Variants in MPPED2 observed in about 807,000 individuals in gnomAD.
MPPED2 encodes the protein metallophosphoesterase domain containing 2, also known as metallophosphoesterase MPPED2.
A neutral mutation model predicts 33.0 loss-of-function variants in MPPED2; 5 were observed. The observed-to-expected ratio is 0.15, with a 90% CI of 0.08 to 0.32. The LOEUF is 0.32. MPPED2 is among the 10% of genes least tolerant of loss of function. The pLI, the probability that MPPED2 is intolerant of heterozygous loss-of-function variation, is 1.00. For missense variants in MPPED2, 275 were observed against 372.1 expected, an observed-to-expected ratio of 0.74 and a Z score of 2.15; for synonymous variants, 136 against 141.9, an observed-to-expected ratio of 0.96 and a Z score of 0.29.
At chr11:30,555,344 T>A (rs1377787935) in intron 2 of MPPED2, among the ~76,000 whole-genome samples, 1 of 152,164 alleles carries the variant, frequency 6.6e-6, no homozygotes, top group Non-Finnish European at 1.5e-5. Context: ...GAGACCCAGA[T>A]ATTAATATCA....
At chr11:30,570,690 G>A (rs925171051) in intron 2 of MPPED2, among the ~76,000 whole-genome samples, 1 of 152,158 alleles carries the variant, frequency 6.6e-6, no homozygotes, top group Non-Finnish European at 1.5e-5. Flanking sequence ...GAAACAGGCT[G>A]AGCTTGCTTA....
chr11:30,446,086 A>T (rs573037801), intron 4 of MPPED2, among the ~76,000 whole-genome samples: 1 of 152,334 alleles, frequency 6.6e-6, no homozygotes, highest in East Asian at 1.9e-4. Flanking sequence ...TATTTCACTC[A>T]CTTGGTTGCA....
At chr11:30,504,681 C>T in intron 3 of MPPED2, 1 of 887,454 alleles carries the variant, frequency 1.1e-6, no homozygotes. Context: ...AGTCTGTCCC[C>T]CGTCAGGCTC....
chr11:30,536,283 G>C, intron 2 of MPPED2, 108 bp from the exon 3 acceptor site: 1 of 989,804 alleles, frequency 1.0e-6, no homozygotes, highest in Non-Finnish European at 1.4e-6. Context: ...CAGACAAACT[G>C]ACGCAAAGGC....
intron 4 of MPPED2, among the ~76,000 whole-genome samples, chr11:30,485,153 A>C (rs1951662957): frequency 6.6e-6 from 1 of 152,238 alleles, no homozygotes; most frequent in Non-Finnish European, 1.5e-5. Context: ...AGGCTTTGGA[A>C]GCAAACCGAT....
intron 4 of MPPED2, among the ~76,000 whole-genome samples, chr11:30,443,598 G>A (rs1284223124): frequency 6.6e-6 from 1 of 152,152 alleles, no homozygotes; most frequent in Non-Finnish European, 1.5e-5. Context: ...ATGGTAATTG[G>A]AAAGTATCCA....
At chr11:30,528,681 A>G (rs151162516) in intron 3 of MPPED2, among the ~76,000 whole-genome samples, 134 of 152,242 alleles carry the variant, frequency 8.8e-4, no homozygotes, top group African/African-American at 3.0e-3. Flanking sequence ...TTGGTCTCGA[A>G]CTCCTGGGCT....
chr11:30,413,984 G>A (rs936113163), intron 6 of MPPED2, among the ~76,000 whole-genome samples: 1 of 152,160 alleles, frequency 6.6e-6, no homozygotes, highest in East Asian at 1.9e-4. Flanking sequence ...GCTGCCAGGG[G>A]GAGTGCAGGG....
At chr11:30,584,583 T>A (rs1391149558) in intron 1 of MPPED2, 1 of 152,470 alleles carries the variant, frequency 6.6e-6, no homozygotes, top group Admixed American at 6.5e-5. Context: ...TTTCTCTCCC[T>A]CTTCCCTAGC....
chr11:30,417,547 T>A lies in MPPED2; in HGVS notation c.623A>T (p.Asp208Val), dbSNP rs1422171569. 1 of 1,612,498 alleles carries A rather than the reference T, an allele frequency of 6.2e-7. No individual in the cohort carries two copies. The highest frequency in any genetic ancestry group is 2.2e-5 in the East Asian group (1 of 44,840). ...DKWNLIPEGIDILMTHGPPLG... is the reference protein window; with the variant it reads ...DKWNLIPEGIVILMTHGPPLG... The stretch of plus-strand genomic sequence containing the variant: ...AGGAGGTCCATGTGTCATGAGTATG[T>A]CAATGCCCTCAGGGATGAGGTTCCA... The change falls in exon 5 of 7, where the codon GAC becomes GTC. Residue 208 changes from aspartate to valine, a missense_variant. Transcript: ENST00000358117.
At chr11:30,404,422 T>C (rs1198943468) in intron 6 of MPPED2, among the ~76,000 whole-genome samples, 1 of 152,052 alleles carries the variant, frequency 6.6e-6, no homozygotes, top group Non-Finnish European at 1.5e-5. Context: ...TTTCATAGAG[T>C]AAATTAAAAA....
At position 30,390,267 on chromosome 11, in the gene MPPED2, G is replaced by A. The variant is rs138392305; in HGVS notation, c.767-1311C>T. Among the ~76,000 whole-genome samples, 1,263 of 152,262 alleles carry A rather than the reference G, an allele frequency of 8.3e-3. 10 individuals are homozygous for A. The highest frequency in any genetic ancestry group is 0.029 in the African/African-American group (1,201 of 41,546). On this transcript the variant is annotated intron_variant, in intron 6 of 6. Coordinates refer to the MPPED2 transcript ENST00000448418. ...TTGACTCCCCTCTAACAGTTTCTTT[G>A]TCTGATTTTGGGGTCTTTGCCAGAA...
At chr11:30,513,775 G>T (rs1420271400) in intron 3 of MPPED2, among the ~76,000 whole-genome samples, 2 of 152,002 alleles carry the variant, frequency 1.3e-5, no homozygotes, top group Non-Finnish European at 2.9e-5. Context: ...ACAAAAGAAT[G>T]AAAGAAAAGA....
chr11:30,571,521 T>A (rs1049583228), intron 2 of MPPED2, among the ~76,000 whole-genome samples: 49 of 152,174 alleles, frequency 3.2e-4, no homozygotes, highest in African/African-American at 1.2e-3. Context: ...AAGATGGTGG[T>A]CTGCAAAATT....
intron 3 of MPPED2, chr11:30,504,927 G>A (rs190808772): frequency 4.4e-5 from 26 of 589,346 alleles, no homozygotes; most frequent in Non-Finnish European, 6.3e-5. Context: ...GTGAAAGCCC[G>A]GTGGTCCACT....
chr11:30,397,095 A>G (rs1004796615), intron 6 of MPPED2, among the ~76,000 whole-genome samples: 3 of 152,206 alleles, frequency 2.0e-5, no homozygotes, highest in African/African-American at 7.2e-5. Flanking sequence ...ATTAAAAACC[A>G]ACAATATTGT....
intron 4 of MPPED2, among the ~76,000 whole-genome samples, chr11:30,448,790 C>T (rs1271167122): frequency 6.6e-6 from 1 of 151,758 alleles, no homozygotes; most frequent in Non-Finnish European, 1.5e-5. Flanking sequence ...TTCTCCTGCC[C>T]CAGCCTCCTG....
At chr11:30,585,054 T>A (rs1232532076) in intron 1 of MPPED2, 3 of 152,204 alleles carry the variant, frequency 2.0e-5, no homozygotes, top group Non-Finnish European at 4.4e-5. Flanking sequence ...CTTAATTTAT[T>A]TTCTTGCTGA....
intron 6 of MPPED2, among the ~76,000 whole-genome samples, chr11:30,403,732 A>T (rs1044696329): frequency 2.0e-5 from 3 of 152,170 alleles, no homozygotes; most frequent in African/African-American, 7.2e-5. Context: ...GATCCTAAAG[A>T]TGCCATACTT....
Sources: gnomAD v4.1 joint callset for allele counts (sites outside exome capture counted in the v4.1 genomes callset) on GRCh38, gnomAD v4.1.1 for gene constraint, MANE v1.5 for transcripts, NCBI Gene and HGNC (gene_info 2026-07-23, HGNC 2026-07-21) for gene names.